Variants in ADAMTSL1 observed in about 807,000 individuals in gnomAD.
ADAMTSL1 encodes the protein ADAMTS-like protein 1.
In ADAMTSL1, 126 loss-of-function variants were observed where a neutral mutation model predicts 201.8. The ratio of observed to expected loss-of-function variants is 0.62; its 90% CI spans 0.54 to 0.72. ADAMTSL1 has a LOEUF of 0.72. ADAMTSL1 is among the 30% of genes least tolerant of loss of function. ADAMTSL1 has a pLI of 0.00. For missense variants in ADAMTSL1, 2,679 were observed against 2,277.8 expected (o/e 1.18, Z -3.59); for synonymous variants, 1,121 against 903.4 (o/e 1.24, Z -4.32).
chr9:18,103,364 T>C (rs1824616082), intron 1 of ADAMTSL1, among the ~76,000 whole-genome samples: 1 of 152,164 alleles, frequency 6.6e-6, no homozygotes, highest in African/African-American at 2.4e-5. Context: ...CAGGGTTAGA[T>C]ACTTATAACG....
intron 2 of ADAMTSL1, among the ~76,000 whole-genome samples, chr9:18,385,356 G>A (rs1211908965): frequency 2.0e-5 from 3 of 152,068 alleles, no homozygotes; most frequent in Admixed American, 6.6e-5. Flanking sequence ...GAGGGTAGGG[G>A]TGGTGTTACT....
intron 2 of ADAMTSL1, among the ~76,000 whole-genome samples, chr9:18,437,919 C>T (rs1229665484): frequency 1.3e-5 from 2 of 152,100 alleles, no homozygotes; most frequent in African/African-American, 4.8e-5. Context: ...CTGATACACT[C>T]GCAGTGCCAA....
chr9:18,216,801 C>A (rs1392771101), intron 2 of ADAMTSL1, among the ~76,000 whole-genome samples: 1 of 152,056 alleles, frequency 6.6e-6, no homozygotes, highest in African/African-American at 2.4e-5. Flanking sequence ...TTAATTTCAA[C>A]TTTTTATTCA....
At chr9:18,827,643 T>C (rs904819317) in intron 22 of ADAMTSL1, among the ~76,000 whole-genome samples, 1 of 152,180 alleles carries the variant, frequency 6.6e-6, no homozygotes, top group Non-Finnish European at 1.5e-5. Context: ...GAGATTTTTC[T>C]CCCTAATAAT....
At chr9:18,217,303 A>G (rs1205711590) in intron 2 of ADAMTSL1, among the ~76,000 whole-genome samples, 1 of 152,184 alleles carries the variant, frequency 6.6e-6, no homozygotes, top group African/African-American at 2.4e-5. Context: ...CCTGAGGCCC[A>G]GAGAGGTTCC....
intron 15 of ADAMTSL1, among the ~76,000 whole-genome samples, chr9:18,747,292 C>G (rs1269531032): frequency 6.6e-6 from 1 of 152,138 alleles, no homozygotes; most frequent in South Asian, 2.1e-4. Context: ...ACTTACAGTA[C>G]CTTTATCACT....
intron 2 of ADAMTSL1, among the ~76,000 whole-genome samples, chr9:18,429,192 G>A (rs1307595818): frequency 6.6e-6 from 1 of 151,440 alleles, no homozygotes; most frequent in African/African-American, 2.4e-5. Context: ...CATATTCTTT[G>A]CCACTAGATC....
chr9:18,784,023 G>T lies in ADAMTSL1; in HGVS notation c.3677+6117G>T, dbSNP rs78948400. Among the ~76,000 whole-genome samples the T allele has an allele frequency of 5.1e-3, 777 of 152,328 alleles. 3 individuals carry two copies. The highest frequency in any genetic ancestry group is 0.025 in the South Asian group (122 of 4,832). ...CTTGGCTTTTATCATTTGACATCCA[G>T]TTATCTCTCCAGCTTCATCTCTTAC... On this transcript the variant is annotated intron_variant, in intron 19 of 28. Coordinates refer to ENST00000380548, the MANE Select transcript of ADAMTSL1 (RefSeq NM_001040272.6).
At chr9:18,310,239 A>G (rs1834076336) in intron 2 of ADAMTSL1, among the ~76,000 whole-genome samples, 1 of 151,990 alleles carries the variant, frequency 6.6e-6, no homozygotes, top group Admixed American at 6.5e-5. Context: ...AAATCCTAGA[A>G]GAAAACCTAG....
intron 15 of ADAMTSL1, among the ~76,000 whole-genome samples, chr9:18,733,169 T>C (rs956150338): frequency 6.6e-6 from 1 of 152,198 alleles, no homozygotes; most frequent in Non-Finnish European, 1.5e-5. Context: ...ACCGTGGGAA[T>C]GACCGCAGTG....
chr9:18,424,332 T>A (rs951023236), intron 2 of ADAMTSL1, among the ~76,000 whole-genome samples: 1 of 152,194 alleles, frequency 6.6e-6, no homozygotes, highest in Admixed American at 6.5e-5. Flanking sequence ...ACACATTCAG[T>A]GAATACTTTA....
At chr9:18,639,197 T>G in intron 6 of ADAMTSL1, 57 bp from the exon 7 acceptor site, 3 of 1,546,398 alleles carry the variant, frequency 1.9e-6, no homozygotes, top group Non-Finnish European at 2.7e-6. Flanking sequence ...GAAATGTGCT[T>G]GCCTGTGGTT....
At chr9:18,587,769 T>C (rs376920522) in intron 4 of ADAMTSL1, among the ~76,000 whole-genome samples, 1 of 152,218 alleles carries the variant, frequency 6.6e-6, no homozygotes, top group Non-Finnish European at 1.5e-5. Context: ...TTTCACTTAA[T>C]GACCTCCAGT....
At chr9:18,152,720 C>T (rs1397056495) in intron 1 of ADAMTSL1, among the ~76,000 whole-genome samples, 2 of 151,720 alleles carry the variant, frequency 1.3e-5, no homozygotes, top group African/African-American at 4.8e-5. Context: ...CCTTGGTGAG[C>T]TTGGAGAGAG....
At chr9:18,842,489 T>C (rs1039378706) in intron 23 of ADAMTSL1, among the ~76,000 whole-genome samples, 24 of 152,170 alleles carry the variant, frequency 1.6e-4, no homozygotes, top group African/African-American at 5.5e-4. Flanking sequence ...AGGTGTGGTG[T>C]GGTGCTGAAA....
At chr9:18,074,471 G>C (rs185150823) in intron 1 of ADAMTSL1, among the ~76,000 whole-genome samples, 23 of 126,936 alleles carry the variant, frequency 1.8e-4, no homozygotes, top group African/African-American at 6.8e-4. Flanking sequence ...ACCACACTGT[G>C]TTTTCTTTTC....
intron 2 of ADAMTSL1, among the ~76,000 whole-genome samples, chr9:18,378,626 C>T (rs1837413129): frequency 6.6e-6 from 1 of 152,256 alleles, no homozygotes; most frequent in South Asian, 2.1e-4. Context: ...ACAAGCCTTT[C>T]TCCTCCTCTA....
chr9:18,005,854 A>G (rs1819795369), intron 1 of ADAMTSL1, among the ~76,000 whole-genome samples: 1 of 152,006 alleles, frequency 6.6e-6, no homozygotes, highest in South Asian at 2.1e-4. Flanking sequence ...TGCCCTGCAG[A>G]ATGCATTGCT....
At chr9:18,122,182 C>T (rs1035153311) in intron 1 of ADAMTSL1, among the ~76,000 whole-genome samples, 1 of 151,990 alleles carries the variant, frequency 6.6e-6, no homozygotes, top group Non-Finnish European at 1.5e-5. Flanking sequence ...AGGTATATAC[C>T]AAAAAATTTA....
Sources: gnomAD v4.1 joint callset for allele counts (sites outside exome capture counted in the v4.1 genomes callset) on GRCh38, gnomAD v4.1.1 for gene constraint, MANE v1.5 for transcripts, NCBI Gene and HGNC (gene_info 2026-07-23, HGNC 2026-07-21) for gene names.